The following ADAMTSL1 variants were observed in gnomAD, a reference collection of about 807,000 sequenced individuals.
ADAMTSL1 encodes ADAMTS-like protein 1.
In ADAMTSL1, 126 loss-of-function variants were observed where a neutral mutation model predicts 201.8. That is an observed-to-expected ratio of 0.62 (90% CI 0.54 to 0.72). ADAMTSL1 has a LOEUF of 0.72. Among genes scored for constraint, ADAMTSL1 ranks in the 30% least tolerant of loss-of-function variants. The probability of loss-of-function intolerance (pLI) is 0.00; values close to 1 mark genes in which losing one functional copy is unlikely to be tolerated. For missense variants in ADAMTSL1, 2,679 were observed against 2,277.8 expected (o/e 1.18, Z -3.59); for synonymous variants, 1,121 against 903.4 (o/e 1.24, Z -4.32).
At chr9:18,165,609 C>G (rs893189851) in intron 2 of ADAMTSL1, among the ~76,000 whole-genome samples, 1 of 151,548 alleles carries the variant, frequency 6.6e-6, no homozygotes, top group African/African-American at 2.4e-5. Context: ...CCTGTTTTAC[C>G]TAAAAGAGAA....
At position 18,123,401 on chromosome 9, in the gene ADAMTSL1, A is replaced by T. The variant is rs551928278; in HGVS notation, c.88-40461A>T. ...CTTATATTATGCTATTATGCTTTTG[A>T]CATTAGAGGAAATACACTTATTTAA... is the stretch of plus-strand genomic sequence containing the variant. On this transcript the variant is annotated intron_variant, in intron 1 of 29. Transcript: ENST00000680146. Among the ~76,000 whole-genome samples, 6 of 152,310 alleles carry T rather than the reference A, an allele frequency of 3.9e-5. No homozygotes were observed. In the South Asian group the frequency reaches 1.2e-3, roughly 32 times the overall value.
chr9:18,449,484 T>A (rs73418930), intron 2 of ADAMTSL1, among the ~76,000 whole-genome samples: 2,019 of 152,144 alleles, frequency 0.013, 45 homozygotes, highest in African/African-American at 0.046. Flanking sequence ...GAAACTTGTT[T>A]AACTTAATAT....
At chr9:18,729,365 A>G (rs1163113051) in intron 15 of ADAMTSL1, among the ~76,000 whole-genome samples, 1 of 152,230 alleles carries the variant, frequency 6.6e-6, no homozygotes, top group Non-Finnish European at 1.5e-5. Context: ...AAGACAAAGC[A>G]CCTCTATTAG....
intron 1 of ADAMTSL1, among the ~76,000 whole-genome samples, chr9:18,480,632 G>C (rs1587332743): frequency 6.6e-6 from 1 of 152,300 alleles, no homozygotes; most frequent in South Asian, 2.1e-4. Flanking sequence ...AATAACATAT[G>C]CTTCAAATTT....
chr9:18,889,428 A>C, intron 24 of ADAMTSL1, 140 bp from the exon 25 acceptor site: 1 of 875,752 alleles, frequency 1.1e-6, no homozygotes, highest in Non-Finnish European at 1.7e-6. Flanking sequence ...TGCGAGGAGC[A>C]GGGCCTCATT....
At chr9:18,303,887 C>T (rs902437930) in intron 2 of ADAMTSL1, among the ~76,000 whole-genome samples, 1 of 152,092 alleles carries the variant, frequency 6.6e-6, no homozygotes, top group Non-Finnish European at 1.5e-5. Flanking sequence ...ATGCTGTCTT[C>T]CTTTCATCCA....
rs10963614 is a variant in ADAMTSL1 at position 18,474,359 on chromosome 9, G to A, written c.63+64G>A. On this transcript the variant is annotated intron_variant, in intron 1 of 28. Coordinates refer to ENST00000380548, the MANE Select transcript of ADAMTSL1 (RefSeq NM_001040272.6). ...TGAGTCTGGGTGCTGTTGGGGGTGT[G>A]TGTGTGTATGTGTGTTTGTGTGTGT... The A allele has an allele frequency of 4.8e-6, 7 of 1,473,654 alleles. No individual in the cohort carries two copies. In the East Asian group the frequency reaches 9.1e-5, roughly 19 times the overall value. 91.3% of individuals were successfully genotyped at this position (1,473,654 alleles called of 1,614,324 possible).
rs966731495 is a variant in ADAMTSL1 at position 18,253,780 on chromosome 9, C to T, written c.207+89799C>T. 3.9e-5 allele frequency among the ~76,000 whole-genome samples: 6 copies of T among 152,076 alleles called. No homozygotes were observed. The South Asian group carries it at 6.2e-4, about 16-fold the overall frequency. On this transcript the variant is annotated intron_variant, in intron 2 of 29. Transcript: ENST00000680146. ...CTAGTAGGAGCAGCCCCATAATTTC[C>T]GGAGATCTCCCCTTAAATAACAATT... is the stretch of plus-strand genomic sequence containing the variant.
At chr9:18,898,233 G>T (rs1335174251) in intron 26 of ADAMTSL1, among the ~76,000 whole-genome samples, 1 of 152,148 alleles carries the variant, frequency 6.6e-6, no homozygotes, top group Admixed American at 6.5e-5. Flanking sequence ...AGCTAAAGGA[G>T]CATGTTGTAA....
chr9:18,356,588 A>G (rs1216304800), intron 2 of ADAMTSL1, among the ~76,000 whole-genome samples: 2 of 129,518 alleles, frequency 1.5e-5, no homozygotes, highest in East Asian at 4.4e-4. Flanking sequence ...TTATGCAGCT[A>G]CTCAATACAC....
At chr9:18,731,158 G>T (rs941308104) in intron 15 of ADAMTSL1, among the ~76,000 whole-genome samples, 1 of 152,170 alleles carries the variant, frequency 6.6e-6, no homozygotes, top group Non-Finnish European at 1.5e-5. Context: ...AGGAGACTTG[G>T]CAATGTCAAA....
At chr9:17,931,827 C>G (rs908524974) in intron 1 of ADAMTSL1, among the ~76,000 whole-genome samples, 3 of 152,124 alleles carry the variant, frequency 2.0e-5, no homozygotes, top group African/African-American at 7.2e-5. Context: ...CGGGTCAGAG[C>G]TAGACAATGA....
At chr9:18,272,537 A>G (rs1449203265) in intron 2 of ADAMTSL1, among the ~76,000 whole-genome samples, 1 of 152,244 alleles carries the variant, frequency 6.6e-6, no homozygotes, top group African/African-American at 2.4e-5. Flanking sequence ...CATTCAGGAC[A>G]TAGGCATGGG....
chr9:18,319,179 C>T (rs919327914), intron 2 of ADAMTSL1, among the ~76,000 whole-genome samples: 67 of 152,124 alleles, frequency 4.4e-4, no homozygotes, highest in African/African-American at 1.6e-3. Context: ...CCAGCCTGGG[C>T]AATAGAGTGA....
chr9:18,243,912 G>C (rs533206197), intron 2 of ADAMTSL1, among the ~76,000 whole-genome samples: 3 of 151,630 alleles, frequency 2.0e-5, no homozygotes, highest in African/African-American at 4.8e-5. Context: ...GGTCACGAAT[G>C]CTTAGTCAAG....
chr9:18,499,368 C>G (rs1178519897), intron 1 of ADAMTSL1, among the ~76,000 whole-genome samples: 1 of 152,228 alleles, frequency 6.6e-6, no homozygotes, highest in Non-Finnish European at 1.5e-5. Flanking sequence ...GGAATCACAA[C>G]CCCTACCACA....
chr9:18,684,781 G>T lies in ADAMTSL1; in HGVS notation c.1555G>T (p.Ala519Ser), dbSNP rs1330130543. The change falls in exon 13 of 29, where the codon GCT (alanine) becomes TCT (serine). Residue 519 changes from alanine (A) to serine (S), a missense_variant. Ala to Ser is a moderately conservative substitution (Grantham distance 99). Coordinates refer to ENST00000380548, the MANE Select transcript of ADAMTSL1 (RefSeq NM_001040272.6). The part of the protein sequence containing the change: ...KQAQELEEGA[A>S]VSEEPSFIPE... Reference sequence around the variant, plus strand: ...AGCTCAAGAGCTAGAAGAAGGAGCTGCTGTGTCAGAGGAGCCCTCGTAAGT... The same window carrying T: ...AGCTCAAGAGCTAGAAGAAGGAGCTTCTGTGTCAGAGGAGCCCTCGTAAGT... 6.2e-7 allele frequency: 1 copy of T among 1,612,364 alleles called. No homozygotes were observed. The highest frequency in any genetic ancestry group is 1.3e-5 in the African/African-American group (1 of 75,048).
At chr9:18,711,623 G>C (rs578143338) in intron 14 of ADAMTSL1, among the ~76,000 whole-genome samples, 24 of 152,356 alleles carry the variant, frequency 1.6e-4, no homozygotes, top group African/African-American at 4.8e-4. Context: ...CTGATTGCTA[G>C]CACAGCAATC....
At chr9:17,945,913 A>G (rs1319028174) in intron 1 of ADAMTSL1, among the ~76,000 whole-genome samples, 3 of 151,696 alleles carry the variant, frequency 2.0e-5, no homozygotes, top group Admixed American at 1.3e-4. Flanking sequence ...ACATGTATAC[A>G]TATGTAACTA....
Sources: allele counts gnomAD v4.1 joint callset (sites outside exome capture counted in the v4.1 genomes callset), GRCh38; gene constraint gnomAD v4.1.1; transcripts MANE v1.5; gene names NCBI Gene and HGNC (gene_info 2026-07-23, HGNC 2026-07-21).